LPCAT3: variants seen among roughly 807,000 people sequenced by gnomAD.
LPCAT3 encodes the protein lysophospholipid acyltransferase 5.
Under a neutral mutation model 63.4 loss-of-function variants are expected in LPCAT3, and 21 were observed. The observed-to-expected ratio is 0.33, with a 90% CI of 0.23 to 0.48. LPCAT3 has a LOEUF of 0.48. Ranked by LOEUF, LPCAT3 falls within the 20% of genes least tolerant of loss-of-function variation. The pLI is 0.99. For missense variants in LPCAT3, 451 were observed against 590.6 expected (o/e 0.76, Z 2.45); for synonymous variants, 242 against 227.5 (o/e 1.06, Z -0.58).
chr12:6,995,770 A>AGT (rs1222193255), intron 1 of LPCAT3, among the ~76,000 whole-genome samples: 1 of 152,058 alleles, frequency 6.6e-6, no homozygotes, highest in East Asian at 1.9e-4. Context: ...CTGACTACTC[A>AGT]ACAGAGTCAG....
chr12:7,001,595 T>C (rs781953508), intron 1 of LPCAT3: 49 of 440,836 alleles, frequency 1.1e-4, no homozygotes, highest in Non-Finnish European at 1.9e-4. Flanking sequence ...GAGGCAGGCC[T>C]GAGGAGGGCT....
chr12:6,980,986 A>G lies in LPCAT3; in HGVS notation c.677+18T>C. On this transcript the variant is annotated intron_variant, in intron 6 of 12. Transcript: ENST00000261407. Reference sequence around the variant, plus strand: ...GTGAAATACCTACACAAACATCTGGACCAAGAGGGGCAATTACCTGTTTGG... The same window carrying G: ...GTGAAATACCTACACAAACATCTGGGCCAAGAGGGGCAATTACCTGTTTGG... 6.4e-7 allele frequency: 1 copy of G among 1,568,744 alleles called. No individual in the cohort carries two copies.
intron 1 of LPCAT3, among the ~76,000 whole-genome samples, chr12:6,994,518 G>A (rs1376737971): frequency 6.6e-6 from 1 of 151,976 alleles, no homozygotes; most frequent in African/African-American, 2.4e-5. Flanking sequence ...CCACGCTGGA[G>A]TGCAGTGGCA....
chr12:7,012,460 A>T (rs782346106), intron 1 of LPCAT3, among the ~76,000 whole-genome samples: 12 of 152,186 alleles, frequency 7.9e-5, no homozygotes, highest in Non-Finnish European at 1.6e-4. Flanking sequence ...CTCACGGGTA[A>T]CTGGCAGGTT....
At chr12:7,016,277 A>AT (rs35468304) in intron 1 of LPCAT3, among the ~76,000 whole-genome samples, 6,347 of 133,502 alleles carry the variant, frequency 0.048, 200 homozygotes, top group Non-Finnish European at 0.071. Flanking sequence ...TTTTTTATTA[A>AT]TTTTTTTTTT....
chr12:7,007,493 C>CT (rs1161030834), intron 1 of LPCAT3, among the ~76,000 whole-genome samples: 8,109 of 121,702 alleles, frequency 0.067, 573 homozygotes, highest in African/African-American at 0.094. Context: ...TTGACAAAAG[C>CT]TTTTTTTTTT....
chr12:6,989,844 A>T (rs1946570860), intron 1 of LPCAT3, among the ~76,000 whole-genome samples: 1 of 152,176 alleles, frequency 6.6e-6, no homozygotes, highest in South Asian at 2.1e-4. Context: ...GTGAGGTTTC[A>T]TCTGAAGAAA....
chr12:7,012,231 G>A (rs1946768186), intron 1 of LPCAT3, among the ~76,000 whole-genome samples: 1 of 152,196 alleles, frequency 6.6e-6, no homozygotes, highest in Non-Finnish European at 1.5e-5. Flanking sequence ...ACACTGAGAG[G>A]TGGCTCATAT....
chr12:7,008,282 T>G (rs1166996185), intron 1 of LPCAT3, among the ~76,000 whole-genome samples: 2 of 152,158 alleles, frequency 1.3e-5, no homozygotes, highest in African/African-American at 2.4e-5. Flanking sequence ...TACTACTGTT[T>G]CACCATAAGA....
chr12:7,004,628 C>CAT, intron 1 of LPCAT3, among the ~76,000 whole-genome samples: 1 of 152,228 alleles, frequency 6.6e-6, no homozygotes, highest in Non-Finnish European at 1.5e-5. Context: ...AAATCCCATA[C>CAT]ATATGTGTAT....
chr12:7,007,120 T>C (rs1950950794), intron 1 of LPCAT3, among the ~76,000 whole-genome samples: 1 of 152,098 alleles, frequency 6.6e-6, no homozygotes, highest in Admixed American at 6.5e-5. Context: ...CTCGGCTCAC[T>C]GCAACCTCTG....
At chr12:6,997,885 C>T (rs1386264174) in intron 1 of LPCAT3, among the ~76,000 whole-genome samples, 2 of 151,988 alleles carry the variant, frequency 1.3e-5, no homozygotes, top group Admixed American at 1.3e-4. Flanking sequence ...TGCACCTGGC[C>T]GCATGGCTGA....
chr12:6,983,296 C>T (rs1555154380), intron 2 of LPCAT3, 136 bp downstream of exon 2: 1 of 663,118 alleles, frequency 1.5e-6, no homozygotes, highest in Admixed American at 2.5e-5. Flanking sequence ...CTGTGTTCCT[C>T]TTCATACAAC....
chr12:6,994,624 G>T (rs782395963), intron 1 of LPCAT3, among the ~76,000 whole-genome samples: 1 of 152,000 alleles, frequency 6.6e-6, no homozygotes, highest in African/African-American at 2.4e-5. Context: ...GCACAGGACC[G>T]GCTAATTTCT....
rs142687877 is a variant in LPCAT3, at chr12:7,011,116, G to A, written c.151+7158C>T. 8.6e-3 allele frequency among the ~76,000 whole-genome samples: 1,310 copies of A among 152,192 alleles called. 14 individuals are homozygous for A. Among genetic ancestry groups the A allele is most frequent in the African/African-American group, 0.03 (1,241 of 41,520 alleles). ...ATGCAGCCTCAACGTCCTGAGTTGAGCGGAGGACCCCGGGCTCCAGTGATC... is the reference window on the plus strand; with the variant it reads ...ATGCAGCCTCAACGTCCTGAGTTGAACGGAGGACCCCGGGCTCCAGTGATC... On this transcript the variant is annotated intron_variant, in intron 1 of 12. Transcript: ENST00000261407.
At chr12:6,997,367 C>T (rs1293364254) in intron 1 of LPCAT3, 1 of 141,432 alleles carries the variant, frequency 7.1e-6, no homozygotes, top group Non-Finnish European at 1.5e-5. Context: ...GCCCCCAAAA[C>T]AACAGCAAAT....
At chr12:6,993,659 G>A (rs1472407478) in intron 1 of LPCAT3, among the ~76,000 whole-genome samples, 3 of 152,024 alleles carry the variant, frequency 2.0e-5, no homozygotes, top group African/African-American at 7.2e-5. Context: ...TTTGTGTCTG[G>A]CTTATTTCAC....
Position 6,982,749 on chromosome 12 carries a change from A to T in LPCAT3, c.293T>A (p.Val98Glu), listed in dbSNP as rs782108245. The T allele has an allele frequency of 1.9e-6, 3 of 1,614,048 alleles. No individual in the cohort carries two copies. The highest frequency in any genetic ancestry group is 2.5e-6 in the Non-Finnish European group (3 of 1,179,898). Residue 98 changes from valine to glutamate, a missense_variant, in exon 3 of 13, where the codon GTG (valine) becomes GAG (glutamate). Physicochemically the swap from Val to Glu is moderately radical, Grantham distance 121 (BLOSUM62 -2). Transcript: ENST00000261407. The stretch of plus-strand genomic sequence containing the variant: ...TAGTCGAAGGATGAGGAACTGAAGC[A>T]CAATACACAGCAGGGAGTGGTAGAG... Reference protein sequence around the residue: ...NQLYHSLLCIVLQFLILRLMG... With the variant: ...NQLYHSLLCIELQFLILRLMG...
intron 7 of LPCAT3, chr12:6,979,170 A>G (rs782017166): frequency 3.9e-5 from 16 of 408,236 alleles, no homozygotes; most frequent in African/African-American, 2.8e-4. Flanking sequence ...ATGGAGAATC[A>G]GAAGCTGCTG....
Sources: allele counts gnomAD v4.1 joint callset (sites outside exome capture counted in the v4.1 genomes callset), GRCh38; gene constraint gnomAD v4.1.1; transcripts MANE v1.5; gene names NCBI Gene and HGNC (gene_info 2026-07-23, HGNC 2026-07-21).